NKIRAS1: variants seen among roughly 807,000 people sequenced by gnomAD.
The protein encoded by NKIRAS1 is NF-kappa-B inhibitor-interacting Ras-like protein 1.
In NKIRAS1, 16 loss-of-function variants were observed where a neutral mutation model predicts 19.8. The ratio of observed to expected loss-of-function variants is 0.81; its 90% confidence interval spans 0.55 to 1.23. NKIRAS1 has a LOEUF of 1.23. Among genes scored for constraint, NKIRAS1 ranks in the 50% most tolerant of loss-of-function variants. The pLI, the probability that NKIRAS1 is intolerant of heterozygous loss-of-function variation, is 0.00. For missense variants in NKIRAS1, 184 were observed against 220.0 expected (o/e 0.84, Z 1.04); for synonymous variants, 88 against 79.0 (o/e 1.11, Z -0.61).
chr3:23,939,701 G>T (rs1430796024), intron 1 of NKIRAS1, among the ~76,000 whole-genome samples: 3 of 152,342 alleles, frequency 2.0e-5, no homozygotes, highest in Admixed American at 6.5e-5. Flanking sequence ...CTGAGATCGT[G>T]CCACTGCACT....
rs936551560 is a variant in NKIRAS1, at chr3:23,891,542, T to A, written c.*1553A>T. 4 of 152,186 alleles carry A rather than the reference T, an allele frequency of 2.6e-5. No homozygotes were observed. The highest frequency in any genetic ancestry group is 9.6e-5 in the African/African-American group (4 of 41,452). 9.4% of individuals were successfully genotyped at this position (152,186 alleles called of 1,614,324 possible). A position where few individuals can be genotyped will look rare whatever the true frequency, so the allele number is the denominator to read the frequency against. On this transcript the variant is annotated 3_prime_UTR_variant, in exon 5 of 5. Transcript: ENST00000425478. ...GGCTTCAAAGACGAACCCTACTGCA[T>A]CTTTTTAAAAGCATTTTCTGACTTG...
intron 3 of NKIRAS1, among the ~76,000 whole-genome samples, chr3:23,905,836 A>C (rs913138216): frequency 2.0e-5 from 3 of 151,782 alleles, no homozygotes; most frequent in African/African-American, 4.8e-5. Flanking sequence ...GAAGAAAAGA[A>C]GACAAGAGAT....
Position 23,895,737 on chromosome 3 carries a change from A to G in NKIRAS1, c.337-2400T>C, listed in dbSNP as rs191212080. Reference sequence around the variant, plus strand: ...TTTTCTCCATTTACTCTGTAATGAGATATCGCATACCTTTGGTGCCCTTCT... The same window carrying G: ...TTTTCTCCATTTACTCTGTAATGAGGTATCGCATACCTTTGGTGCCCTTCT... On this transcript the variant is annotated intron_variant, in intron 4 of 4. Coordinates refer to ENST00000425478, the MANE Select transcript of NKIRAS1 (RefSeq NM_020345.4). Among the ~76,000 whole-genome samples the G allele has an allele frequency of 2.6e-5, 4 of 152,244 alleles. No individual in the cohort carries two copies. The East Asian group carries it at 7.7e-4, about 29-fold the overall frequency.
At chr3:23,917,818 G>C (rs774610114), upstream of NKIRAS1, 81 of 1,575,806 alleles carry the variant, frequency 5.1e-5, 1 homozygote, top group South Asian at 8.8e-4. Context: ...ACTTAAAGCG[G>C]ATGATATTTA....
At chr3:23,904,386 C>G (rs1702819637) in intron 3 of NKIRAS1, among the ~76,000 whole-genome samples, 1 of 152,026 alleles carries the variant, frequency 6.6e-6, no homozygotes, top group Admixed American at 6.6e-5. Context: ...GTTGCTGCAT[C>G]CTTGGGAGGG....
chr3:23,903,039 T>TG (rs1702671395), intron 3 of NKIRAS1, among the ~76,000 whole-genome samples: 1 of 152,254 alleles, frequency 6.6e-6, no homozygotes, highest in Non-Finnish European at 1.5e-5. Flanking sequence ...TAAATGCCCC[T>TG]GCCAGATCAC....
chr3:23,939,390 T>G (rs1705452660), intron 1 of NKIRAS1, among the ~76,000 whole-genome samples: 1 of 152,028 alleles, frequency 6.6e-6, no homozygotes, highest in South Asian at 2.1e-4. Flanking sequence ...GTTAACAAAG[T>G]AAATAAAAGT....
rs1050147766 is a variant in NKIRAS1 at position 23,892,407 on chromosome 3, G to C, written c.*688C>G. ...AGTGCCTAATCATTTTCAAGAGGAG[G>C]AGCAAACAGTTTGCCCTCAAGTATC... On this transcript the variant is annotated 3_prime_UTR_variant, in exon 5 of 5. Transcript: ENST00000425478. 2.6e-5 allele frequency: 4 copies of C among 152,134 alleles called. No individual in the cohort carries two copies. In the South Asian group the frequency reaches 6.2e-4, roughly 24 times the overall value. The allele number at this position is 152,134 out of a possible 1,614,324, so 9.4% of individuals were successfully genotyped here. A position where few individuals can be genotyped will look rare whatever the true frequency, so the allele number is the denominator to read the frequency against.
At chr3:23,918,886 C>G (rs1704885834), upstream of NKIRAS1, 1 of 513,700 alleles carries the variant, frequency 1.9e-6, no homozygotes, top group East Asian at 3.3e-5. Flanking sequence ...TTGCTGAGCT[C>G]TCAGTTGTAT....
chr3:23,900,795 C>A lies in NKIRAS1; in HGVS notation c.336+13G>T. 6.2e-7 allele frequency: 1 copy of A among 1,607,742 alleles called. No individual in the cohort carries two copies. Among genetic ancestry groups the A allele is most frequent in the Non-Finnish European group, 8.5e-7 (1 of 1,175,926 alleles). On this transcript the variant is annotated intron_variant, in intron 4 of 4. Transcript: ENST00000425478. ...TATAATTCACATTTGGCATTTTTAA[C>A]ATATCCACTTGCCTCTTTTTTGTCT...
At position 23,893,679 on chromosome 3, in the gene NKIRAS1, C is replaced by T. The variant is rs1035199401; in HGVS notation, c.337-342G>A. 2.0e-5 allele frequency among the ~76,000 whole-genome samples: 3 copies of T among 151,714 alleles called. No individual in the cohort carries two copies. The East Asian group carries it at 5.8e-4, about 29-fold the overall frequency. ...AAAATTAGCCAGGCGTAGTGGTGTG[C>T]GCCTGTACTTGGGAGGCTGCGGCAG... is the stretch of plus-strand genomic sequence containing the variant. On this transcript the variant is annotated intron_variant, in intron 4 of 4. Coordinates refer to ENST00000425478, the MANE Select transcript of NKIRAS1 (RefSeq NM_020345.4).
chr3:23,945,617 TGG>T (rs1482283210), intron 1 of NKIRAS1: 10 of 1,016,854 alleles, frequency 9.8e-6, no homozygotes, highest in Non-Finnish European at 1.2e-5. Context: ...CTGCGGCGGG[TGG>T]GGGATGGCCG....
chr3:23,907,157 G>A (rs1383047431), intron 3 of NKIRAS1, among the ~76,000 whole-genome samples: 2 of 152,188 alleles, frequency 1.3e-5, no homozygotes, highest in African/African-American at 4.8e-5. Flanking sequence ...GCCTCCCAAA[G>A]TGCTGGGATT....
chr3:23,892,213 C>CT lies in NKIRAS1; in HGVS notation c.*881dup, dbSNP rs1275105683. ...AATAAAGTTACAGTCAGCCACATTG[C>CT]TTGAGTCTTGCCAAAATCTTTAGAG... On this transcript the variant is annotated 3_prime_UTR_variant, in exon 5 of 5. Coordinates refer to ENST00000425478, the MANE Select transcript of NKIRAS1 (RefSeq NM_020345.4). The CT allele has an allele frequency of 6.6e-6, 1 of 152,174 alleles. No homozygotes were observed. The highest frequency in any genetic ancestry group is 6.5e-5 in the Admixed American group (1 of 15,274). 9.4% of individuals were successfully genotyped at this position (152,174 alleles called of 1,614,324 possible). A position where few individuals can be genotyped will look rare whatever the true frequency, so the allele number is the denominator to read the frequency against.
At position 23,893,328 on chromosome 3, in the gene NKIRAS1, C is replaced by T. The variant is rs781613393; in HGVS notation, c.346G>A (p.Val116Met). ...KFKDKKEVAI[V>M]VLGNKIDLSE... Reference sequence around the variant, plus strand: ...AGGTCGATTTTGTTTCCTAATACCACAATTGCTACCTGAAAGAAAACGGAT... The same window carrying T: ...AGGTCGATTTTGTTTCCTAATACCATAATTGCTACCTGAAAGAAAACGGAT... Residue 116 changes from valine (V) to methionine (M), a missense_variant, in exon 5 of 5, where the codon GTG (valine) becomes ATG (methionine). Transcript: ENST00000425478. 7 of 1,612,884 alleles carry T rather than the reference C, an allele frequency of 4.3e-6. No homozygotes were observed. Among genetic ancestry groups the T allele is most frequent in the Non-Finnish European group, 5.9e-6 (7 of 1,179,570 alleles).
rs1202934442 is a variant in NKIRAS1 at position 23,892,464 on chromosome 3, A to G, written c.*631T>C. The G allele has an allele frequency of 6.6e-6, 1 of 152,156 alleles. No individual in the cohort carries two copies. Among genetic ancestry groups the G allele is most frequent in the Non-Finnish European group, 1.5e-5 (1 of 68,028 alleles). The allele number at this position is 152,156 out of a possible 1,614,324, so 9.4% of individuals were successfully genotyped here. ...ATCAACAGGGGTCTGGCTAAGGAAA[A>G]AACGGCCTTAGAGCGTGATGAACCT... On this transcript the variant is annotated 3_prime_UTR_variant, in exon 5 of 5. Transcript: ENST00000425478.
chr3:23,933,870 A>C (rs1559516236), intron 1 of NKIRAS1, among the ~76,000 whole-genome samples: 1 of 152,158 alleles, frequency 6.6e-6, no homozygotes, highest in African/African-American at 2.4e-5. Context: ...TAAAGGGCCC[A>C]GTCTCTGCTT....
upstream of NKIRAS1, chr3:23,917,698 G>A: frequency 1.4e-6 from 1 of 716,758 alleles, no homozygotes; most frequent in South Asian, 2.0e-5. Flanking sequence ...GCGCAGTGGT[G>A]GGGGTTGGGC....
chr3:23,890,796 G>T lies in NKIRAS1; in HGVS notation c.*2299C>A, dbSNP rs1575051935. 1 of 459,196 alleles carries T rather than the reference G, an allele frequency of 2.2e-6. No individual in the cohort carries two copies. Among genetic ancestry groups the T allele is most frequent in the South Asian group, 5.4e-5 (1 of 18,362 alleles). The allele number at this position is 459,196 out of a possible 1,614,324, so 28.4% of individuals were successfully genotyped here. A position where few individuals can be genotyped will look rare whatever the true frequency, so the allele number is the denominator to read the frequency against. On this transcript the variant is annotated 3_prime_UTR_variant, in exon 5 of 5. Transcript: ENST00000425478. ...GCTACAGTAGACAGAATTGGTAATA[G>T]CAACTTTTAAAATTGTCATTAGTTC... is the stretch of plus-strand genomic sequence containing the variant.
Sources: gnomAD v4.1 joint callset for allele counts (sites outside exome capture counted in the v4.1 genomes callset) on GRCh38, gnomAD v4.1.1 for gene constraint, MANE v1.5 for transcripts, NCBI Gene and HGNC (gene_info 2026-07-23, HGNC 2026-07-21) for gene names.